THBS4: variants seen among roughly 807,000 people sequenced by gnomAD.
THBS4 encodes thrombospondin 4, also known as thrombospondin-4.
Under a neutral mutation model 115.7 loss-of-function variants are expected in THBS4, and 90 were observed. The ratio of observed to expected loss-of-function variants is 0.78; its 90% confidence interval spans 0.66 to 0.93. The LOEUF (loss-of-function observed/expected upper bound fraction) is 0.93, where lower values mean the gene tolerates loss of function less well. Ranked by LOEUF, THBS4 falls within the 40% of genes least tolerant of loss-of-function variation. The probability of loss-of-function intolerance (pLI) is 0.00; values close to 1 mark genes in which losing one functional copy is unlikely to be tolerated. For missense variants in THBS4, 1,087 were observed against 1,232.7 expected, an observed-to-expected ratio of 0.88 and a Z score of 1.77; for synonymous variants, 460 against 479.3, an observed-to-expected ratio of 0.96 and a Z score of 0.53.
intron 2 of THBS4, among the ~76,000 whole-genome samples, chr5:80,048,259 C>G (rs1265232333): frequency 1.3e-5 from 2 of 152,150 alleles, no homozygotes; most frequent in African/African-American, 4.8e-5. Flanking sequence ...GATATTGGCT[C>G]TGTATTAGGA....
At position 80,079,913 on chromosome 5, in the gene THBS4, G is replaced by A. The variant is rs1743402722; in HGVS notation, c.2520G>A (p.Lys840=). The A allele has an allele frequency of 1.2e-6, 2 of 1,614,040 alleles. No individual in the cohort carries two copies. Among genetic ancestry groups the A allele is most frequent in the African/African-American group, 1.3e-5 (1 of 74,920 alleles). The part of the protein sequence containing the change: ...AEPGIQLKAV[K]SKTGPGEHLR... ...CTTGTGTCATCATGCAGGCTGTGAA[G>A]TCTAAGACAGGTCCAGGGGAGCATC... Residue 840 remains lysine, a synonymous_variant, in exon 20 of 22, where the codon AAG becomes AAA. Transcript: ENST00000350881.
chr5:80,041,996 T>C (rs1345528609), intron 2 of THBS4, among the ~76,000 whole-genome samples: 1 of 152,256 alleles, frequency 6.6e-6, no homozygotes, highest in Non-Finnish European at 1.5e-5. Context: ...TATAAATGAA[T>C]GGGACTTTAA....
chr5:80,000,457 G>C (rs1831876610), intron 2 of THBS4, among the ~76,000 whole-genome samples: 1 of 152,108 alleles, frequency 6.6e-6, no homozygotes, highest in Non-Finnish European at 1.5e-5. Flanking sequence ...AGTAACTGGA[G>C]TCTTCCTCCT....
In THBS4 at chr5:80,082,562, T is replaced by C; in HGVS notation, c.2824+17T>C. 1 of 1,613,880 alleles carries C rather than the reference T, an allele frequency of 6.2e-7. No homozygotes were observed. ...GCTGCAATGGTAATGTGCATTCTCG[T>C]TACTGTTCAACATTGTTACTAGAAT... On this transcript the variant is annotated intron_variant, in intron 21 of 21. Coordinates refer to ENST00000350881, the MANE Select transcript of THBS4 (RefSeq NM_003248.6).
chr5:80,078,144 A>G lies in THBS4; in HGVS notation c.2182A>G (p.Thr728Ala). The G allele has an allele frequency of 6.2e-7, 1 of 1,612,596 alleles. No homozygotes were observed. The highest frequency in any genetic ancestry group is 8.5e-7 in the Non-Finnish European group (1 of 1,179,128). ...CCCAGAGAACGCAGAGGTCACCCTGACCGACTTCAGGGCTTACCAGACCGT... is the reference window on the plus strand; with the variant it reads ...CCCAGAGAACGCAGAGGTCACCCTGGCCGACTTCAGGGCTTACCAGACCGT... ...VCPENAEVTL[T>A]DFRAYQTVVL... The change falls in exon 17 of 22, where the codon ACC (threonine) becomes GCC (alanine). Residue 728 changes from threonine (T) to alanine (A), a missense_variant. By Grantham distance (58) the Thr-to-Ala change is moderately conservative. Transcript: ENST00000350881.
At chr5:80,060,309 A>C (rs1833588637) in intron 7 of THBS4, among the ~76,000 whole-genome samples, 1 of 152,162 alleles carries the variant, frequency 6.6e-6, no homozygotes, top group Admixed American at 6.5e-5. Context: ...AGGCTTCCTA[A>C]AATAAAGGAG....
intron 1 of THBS4, among the ~76,000 whole-genome samples, chr5:79,996,934 G>GACT (rs1421135738): frequency 1.3e-5 from 2 of 151,860 alleles, no homozygotes; most frequent in Non-Finnish European, 2.9e-5. Flanking sequence ...TATACCAATA[G>GACT]ACTGTGATGT....
In THBS4 at chr5:80,079,083, TTGAC is replaced by T; in HGVS notation, c.2338_2341del (p.Asp780SerfsTer7). Reference sequence around the variant, plus strand: ...ACAGGGTACACAGCTTTTAATGGAGTTGACTTCGAAGGGACCTTCCATGTGAATA... The same window carrying T: ...ACAGGGTACACAGCTTTTAATGGAGTTTCGAAGGGACCTTCCATGTGAATA... On this transcript the variant is annotated frameshift_variant, in exon 19 of 22. Transcript: ENST00000350881. LOFTEE classifies it high-confidence loss of function. 1.9e-6 allele frequency: 3 copies of T among 1,613,600 alleles called. No individual in the cohort carries two copies. The highest frequency in any genetic ancestry group is 2.5e-6 in the Non-Finnish European group (3 of 1,179,638).
chr5:80,078,724 C>G (rs1743341957), intron 17 of THBS4, 197 bp from the exon 18 acceptor site: 1 of 516,046 alleles, frequency 1.9e-6, no homozygotes, highest in Non-Finnish European at 3.3e-6. Flanking sequence ...CAGCTTTGAG[C>G]TTTTTTTTAA....
chr5:80,050,977 C>T (rs1833236285), intron 2 of THBS4, among the ~76,000 whole-genome samples: 3 of 152,162 alleles, frequency 2.0e-5, no homozygotes, highest in African/African-American at 7.2e-5. Context: ...GGGATGGTTC[C>T]AGCCTCAGGG....
At chr5:80,049,277 G>A (rs1013217562) in intron 2 of THBS4, among the ~76,000 whole-genome samples, 3 of 152,140 alleles carry the variant, frequency 2.0e-5, no homozygotes, top group South Asian at 2.1e-4. Context: ...CACTGAAATC[G>A]TATTTAATCA....
At chr5:80,033,526 A>C (rs1292169130), upstream of THBS4, among the ~76,000 whole-genome samples, 1 of 152,186 alleles carries the variant, frequency 6.6e-6, no homozygotes, top group African/African-American at 2.4e-5. Flanking sequence ...AAGAGTCACA[A>C]AGAAGATGCA....
intron 1 of THBS4, among the ~76,000 whole-genome samples, chr5:79,992,514 G>T (rs552324582): frequency 4.6e-5 from 7 of 152,276 alleles, no homozygotes; most frequent in African/African-American, 1.7e-4. Context: ...AAAACCAAGA[G>T]TTCTAAGAAA....
At chr5:80,041,529 A>G (rs1387600412) in intron 2 of THBS4, among the ~76,000 whole-genome samples, 1 of 152,172 alleles carries the variant, frequency 6.6e-6, no homozygotes, top group Non-Finnish European at 1.5e-5. Context: ...GATGGAAAGA[A>G]TATACCTCAA....
chr5:80,067,795 G>A, intron 9 of THBS4, 178 bp from the exon 10 acceptor site: 1 of 634,952 alleles, frequency 1.6e-6, no homozygotes, highest in East Asian at 3.0e-5. Flanking sequence ...CAGTCTGATG[G>A]TGTTTTCATC....
Position 80,070,787 on chromosome 5 carries a change from G to A in THBS4, c.1560+37G>A, listed in dbSNP as rs774540442. On this transcript the variant is annotated intron_variant, in intron 12 of 21. Transcript: ENST00000350881. ...GCTGGGAGGGCCTGTGAATTGCCAC[G>A]TACCAGGGATGATGGGAGAAAGCCT... 3.0e-5 allele frequency: 48 copies of A among 1,601,710 alleles called. 1 individual carries two copies. The East Asian group carries it at 7.4e-4, about 25-fold the overall frequency.
chr5:80,083,031 C>CGG, intron 21 of THBS4, 49 bp from the exon 22 acceptor site: 1 of 1,564,394 alleles, frequency 6.4e-7, no homozygotes, highest in Non-Finnish European at 8.8e-7. Flanking sequence ...GTCCGGGGTC[C>CGG]GGGGTGGAAG....
chr5:80,025,359 T>C (rs1221836431), intron 2 of THBS4, among the ~76,000 whole-genome samples: 1 of 152,172 alleles, frequency 6.6e-6, no homozygotes, highest in Non-Finnish European at 1.5e-5. Flanking sequence ...GAAGAAGCCC[T>C]GATAAAGTAT....
intron 15 of THBS4, 88 bp downstream of exon 15, chr5:80,073,415 A>G (rs1743012799): frequency 8.5e-7 from 1 of 1,180,016 alleles, no homozygotes; most frequent in African/African-American, 1.6e-5. Context: ...GCGGAGTCTC[A>G]CTCTATCACC....
Sources: allele counts gnomAD v4.1 joint callset (sites outside exome capture counted in the v4.1 genomes callset), GRCh38; gene constraint gnomAD v4.1.1; transcripts MANE v1.5; gene names NCBI Gene and HGNC (gene_info 2026-07-23, HGNC 2026-07-21).